Variants in MX2 observed in about 807,000 individuals in gnomAD.
The protein encoded by MX2 is interferon-induced GTP-binding protein Mx2.
In MX2, 51 loss-of-function variants were observed where a neutral mutation model predicts 74.0. The observed-to-expected ratio is 0.69, with a 90% CI of 0.55 to 0.87. The LOEUF (loss-of-function observed/expected upper bound fraction) is 0.87, where lower values mean the gene tolerates loss of function less well. MX2 is among the 40% of genes least tolerant of loss of function. The pLI, the probability that MX2 is intolerant of heterozygous loss-of-function variation, is 0.00. For missense variants in MX2, 832 were observed against 908.7 expected (o/e 0.92, Z 1.09); for synonymous variants, 369 against 339.3 (o/e 1.09, Z -0.96).
Position 41,366,991 on chromosome 21 carries a change from A to G in MX2, c.-72+4936A>G, listed in dbSNP as rs1242644495. The G allele has an allele frequency of 3.3e-5, 5 of 152,310 alleles. No homozygotes were observed. Among genetic ancestry groups the G allele is most frequent in the African/African-American group, 7.2e-5 (3 of 41,428 alleles). 9.4% of individuals were successfully genotyped at this position (152,310 alleles called of 1,614,324 possible). On this transcript the variant is annotated intron_variant, in intron 1 of 13. Transcript: ENST00000330714. This position sits in a 1 kb window ranked among gnomAD's most constrained non-coding sequence, Gnocchi z 4.5. ...AAAAGCGCCACCATAAACCTGTAAC[A>G]CAAGAATGAAACCCAGCAAGAATCA...
chr21:41,402,418 C>T lies in MX2; in HGVS notation c.1573+290C>T, dbSNP rs1001395867. On this transcript the variant is annotated intron_variant, in intron 11 of 13. Coordinates refer to ENST00000330714, the MANE Select transcript of MX2 (RefSeq NM_002463.2). The surrounding 1 kb of genome is among the most constrained non-coding windows in gnomAD (Gnocchi z 4.5). ...GCGTTCCATCGCTGTCCTTCAAACACGTGGAGGAGGCGGGGAAGATGGTTT... is the reference window on the plus strand; with the variant it reads ...GCGTTCCATCGCTGTCCTTCAAACATGTGGAGGAGGCGGGGAAGATGGTTT... Among the ~76,000 whole-genome samples, 5 of 152,212 alleles carry T rather than the reference C, an allele frequency of 3.3e-5. No individual in the cohort carries two copies. The highest frequency in any genetic ancestry group is 5.9e-5 in the Non-Finnish European group (4 of 68,040).
At chr21:41,378,380 G>T (rs2089443011) in intron 3 of MX2, among the ~76,000 whole-genome samples, 1 of 143,640 alleles carries the variant, frequency 7.0e-6, no homozygotes. Context: ...CTGGTGGCAG[G>T]GGGCTGGATT....
rs1300165284 is a variant in MX2 at position 41,402,503 on chromosome 21, C to T, written c.1573+375C>T. 6.1e-5 allele frequency: 12 copies of T among 196,124 alleles called. No homozygotes were observed. The highest frequency in any genetic ancestry group is 1.1e-4 in the Non-Finnish European group (11 of 96,158). 12.1% of individuals were successfully genotyped at this position (196,124 alleles called of 1,614,324 possible). ...TGCACTTCATCTGTATCACACGCAG[C>T]CACCAACACAGCCGCGTAAGGCAGC... On this transcript the variant is annotated intron_variant, in intron 11 of 13. Transcript: ENST00000330714. This position sits in a 1 kb window ranked among gnomAD's most constrained non-coding sequence, Gnocchi z 4.5.
chr21:41,399,045 T>C, intron 9 of MX2, 26 bp downstream of exon 9: 1 of 1,605,480 alleles, frequency 6.2e-7, no homozygotes, highest in Admixed American at 1.7e-5. Flanking sequence ...GGACTCCACG[T>C]GACACTGCAT....
intron 12 of MX2, 107 bp from the exon 13 acceptor site, chr21:41,406,637 T>C (rs1338881108): frequency 3.5e-6 from 4 of 1,152,650 alleles, no homozygotes; most frequent in South Asian, 1.6e-5. Context: ...TCTTTGACTA[T>C]GGATTCGTTT....
intron 1 of MX2, among the ~76,000 whole-genome samples, chr21:41,369,202 G>A (rs2145855277): frequency 6.6e-6 from 1 of 152,338 alleles, no homozygotes; most frequent in Admixed American, 6.5e-5. Flanking sequence ...GGGTGCAGGA[G>A]GCCTGTGGAC....
chr21:41,371,570 G>A (rs544888276), intron 1 of MX2, among the ~76,000 whole-genome samples: 3 of 152,256 alleles, frequency 2.0e-5, no homozygotes, highest in Non-Finnish European at 2.9e-5. Flanking sequence ...GCTTAACTGC[G>A]TACATGAAAT....
Position 41,402,412 on chromosome 21 carries a change from C to A in MX2, c.1573+284C>A, listed in dbSNP as rs2089826407. On this transcript the variant is annotated intron_variant, in intron 11 of 13. Coordinates refer to ENST00000330714, the MANE Select transcript of MX2 (RefSeq NM_002463.2). This position sits in a 1 kb window ranked among gnomAD's most constrained non-coding sequence, Gnocchi z 4.5. ...CCATAGGCGTTCCATCGCTGTCCTTCAAACACGTGGAGGAGGCGGGGAAGA... is the reference window on the plus strand; with the variant it reads ...CCATAGGCGTTCCATCGCTGTCCTTAAAACACGTGGAGGAGGCGGGGAAGA... Among the ~76,000 whole-genome samples the A allele has an allele frequency of 6.6e-6, 1 of 152,234 alleles. No homozygotes were observed. Among genetic ancestry groups the A allele is most frequent in the Non-Finnish European group, 1.5e-5 (1 of 68,052 alleles).
chr21:41,382,397 C>T lies in MX2; in HGVS notation c.578-13C>T, dbSNP rs2089508183. ...ATGAGGGCTCTGGGTTTCTCCCCTC[C>T]TGGCCTCCATAGCCCAGAACGTCAT... On this transcript the variant is annotated splice_polypyrimidine_tract_variant and intron_variant, in intron 4 of 13. Coordinates refer to ENST00000330714, the MANE Select transcript of MX2 (RefSeq NM_002463.2). The T allele has an allele frequency of 6.2e-7, 1 of 1,612,766 alleles. No homozygotes were observed. The highest frequency in any genetic ancestry group is 1.1e-5 in the South Asian group (1 of 90,970).
At chr21:41,384,153 C>G (rs1174709041) in intron 5 of MX2, among the ~76,000 whole-genome samples, 1 of 152,198 alleles carries the variant, frequency 6.6e-6, no homozygotes, top group Non-Finnish European at 1.5e-5. Flanking sequence ...CCTTGGCCCT[C>G]CCCCATGATT....
At position 41,368,430 on chromosome 21, in the gene MX2, T is replaced by C. The variant is rs546430163; in HGVS notation, c.-72+6375T>C. On this transcript the variant is annotated intron_variant, in intron 1 of 13. Coordinates refer to ENST00000330714, the MANE Select transcript of MX2 (RefSeq NM_002463.2). This position sits in a 1 kb window ranked among gnomAD's most constrained non-coding sequence, Gnocchi z 4.6. The stretch of plus-strand genomic sequence containing the variant: ...TACTCAACAGGCCCGTGTCAGAAAA[T>C]CCTCCCTAAACTGCAATGGGGAGGG... Among the ~76,000 whole-genome samples, 88 of 151,856 alleles carry C rather than the reference T, an allele frequency of 5.8e-4. No individual in the cohort carries two copies. The highest frequency in any genetic ancestry group is 1.1e-3 in the Non-Finnish European group (75 of 67,984).
At chr21:41,370,882 G>C (rs970052139) in intron 1 of MX2, among the ~76,000 whole-genome samples, 1 of 152,166 alleles carries the variant, frequency 6.6e-6, no homozygotes, top group Admixed American at 6.5e-5. Flanking sequence ...AATGTATGGC[G>C]TGGAATTCAG....
Position 41,408,251 on chromosome 21 carries a change from GGTT to G in MX2, c.*22_*24del. 1.2e-6 allele frequency: 2 copies of G among 1,612,532 alleles called. No individual in the cohort carries two copies. The highest frequency in any genetic ancestry group is 2.2e-5 in the South Asian group (2 of 91,016). On this transcript the variant is annotated 3_prime_UTR_variant, in exon 14 of 14. Coordinates refer to ENST00000330714, the MANE Select transcript of MX2 (RefSeq NM_002463.2). ...TCCACTGAAGGGCGGCGATGCCTGT[GGTT>G]GTTTTCTTGTGCGTACTCATTCATT... is the stretch of plus-strand genomic sequence containing the variant.
intron 1 of MX2, among the ~76,000 whole-genome samples, chr21:41,376,461 G>T (rs1467991588): frequency 6.6e-6 from 1 of 152,180 alleles, no homozygotes; most frequent in Non-Finnish European, 1.5e-5. Context: ...CAGGGGGACT[G>T]CTTGAGTCCA....
chr21:41,395,723 G>T lies in MX2; in HGVS notation c.1008G>T (p.Arg336Ser), dbSNP rs534881244. The change falls in exon 7 of 14, where the codon AGG becomes AGT. Residue 336 changes from arginine (R) to serine (S), a missense_variant. Arg to Ser is a moderately radical substitution (Grantham distance 110). Transcript: ENST00000330714. ...KCRGQQEITN[R>S]LSLAEATKKE... The stretch of plus-strand genomic sequence containing the variant: ...GGGGCCAGCAGGAGATCACAAACAG[G>T]CTGAGCTTGGCAGAGGCAACCAAGA... The T allele has an allele frequency of 3.7e-6, 6 of 1,614,196 alleles. No homozygotes were observed. Among genetic ancestry groups the T allele is most frequent in the East Asian group, 2.2e-5 (1 of 44,884 alleles).
intron 3 of MX2, among the ~76,000 whole-genome samples, chr21:41,379,364 C>A (rs2089457424): frequency 6.6e-6 from 1 of 152,184 alleles, no homozygotes; most frequent in African/African-American, 2.4e-5. Context: ...TGAGGGCCCC[C>A]ACCCCAAGGA....
chr21:41,397,756 G>A, intron 8 of MX2, 65 bp downstream of exon 8: 1 of 1,452,358 alleles, frequency 6.9e-7, no homozygotes, highest in Non-Finnish European at 9.7e-7. Context: ...TCTTGGTCTG[G>A]AGTTGGCTAA....
rs2089835031 is a variant in MX2, at chr21:41,403,093, C to T, written c.1574-174C>T. 22 of 580,844 alleles carry T rather than the reference C, an allele frequency of 3.8e-5. No individual in the cohort carries two copies. The South Asian group carries it at 4.1e-4, about 11-fold the overall frequency. The allele number at this position is 580,844 out of a possible 1,614,324, so 36.0% of individuals were successfully genotyped here. On this transcript the variant is annotated intron_variant, in intron 11 of 13. Transcript: ENST00000330714. Reference sequence around the variant, plus strand: ...CTGCATGAGGGCTGGATTGTGTGGCCCTGGAATGATGTCCCACCCTCTCCT... The same window carrying T: ...CTGCATGAGGGCTGGATTGTGTGGCTCTGGAATGATGTCCCACCCTCTCCT...
At chr21:41,367,326 T>C (rs913995705) in intron 1 of MX2, 4 of 152,220 alleles carry the variant, frequency 2.6e-5, no homozygotes, top group African/African-American at 4.8e-5. Context: ...AATTTTTTTT[T>C]TTTTAAAGCA....
Sources: allele counts gnomAD v4.1 joint callset (sites outside exome capture counted in the v4.1 genomes callset), GRCh38; gene constraint gnomAD v4.1.1; non-coding constraint Gnocchi (gnomAD v3.1); transcripts MANE v1.5; gene names NCBI Gene and HGNC (gene_info 2026-07-23, HGNC 2026-07-21).